The following PRDM10 variants were observed in gnomAD, a reference collection of about 807,000 sequenced individuals.
The protein encoded by PRDM10 is PR/SET domain 10, also known as PR domain zinc finger protein 10.
A neutral mutation model predicts 133.1 loss-of-function variants in PRDM10; 65 were observed. The ratio of observed to expected loss-of-function variants is 0.49; its 90% CI spans 0.40 to 0.60. The LOEUF (loss-of-function observed/expected upper bound fraction) is 0.60, where lower values mean the gene tolerates loss of function less well. Among genes scored for constraint, PRDM10 ranks in the 20% least tolerant of loss-of-function variants. The probability of loss-of-function intolerance (pLI) is 0.00; values close to 1 mark genes in which losing one functional copy is unlikely to be tolerated. For missense variants in PRDM10, 1,137 were observed against 1,507.1 expected (o/e 0.75, Z 4.07); for synonymous variants, 582 against 580.4 (o/e 1.00, Z -0.04).
chr11:129,933,311 A>G (rs897932288), intron 9 of PRDM10, among the ~76,000 whole-genome samples: 5 of 152,198 alleles, frequency 3.3e-5, no homozygotes, highest in Non-Finnish European at 7.3e-5. Flanking sequence ...CAATGTACCC[A>G]TAACCCAATT....
chr11:129,925,230 C>T lies in PRDM10; in HGVS notation c.1531-1G>A. The T allele has an allele frequency of 6.2e-7, 1 of 1,601,344 alleles. No individual in the cohort carries two copies. The highest frequency in any genetic ancestry group is 8.5e-7 in the Non-Finnish European group (1 of 1,174,310). On this transcript the variant is annotated splice_acceptor_variant, in intron 11 of 20. Transcript: ENST00000360871. LOFTEE classifies it high-confidence loss of function. ...TAAACAGATGCTGAAGAGCTGCATT[C>T]TGAAAGACATACACAAATGTGATCA...
intron 1 of PRDM10, among the ~76,000 whole-genome samples, 162 bp downstream of exon 1, chr11:130,002,560 C>G (rs796132912): frequency 3.9e-5 from 6 of 152,222 alleles, no homozygotes; most frequent in African/African-American, 1.2e-4. Context: ...CAATTCCCCC[C>G]CCACCCGGGT....
chr11:129,915,105 A>G lies in PRDM10; in HGVS notation c.2527-87T>C, dbSNP rs1002257356. ...ATATGTAAATCCTCCAAAGATTCCT[A>G]AAGTCTTTTATGTCTTAAAAAAAGA... On this transcript the variant is annotated intron_variant, in intron 16 of 20. Transcript: ENST00000360871. The G allele has an allele frequency of 1.2e-5, 17 of 1,386,060 alleles. No homozygotes were observed. The Admixed American group carries it at 2.7e-4, about 22-fold the overall frequency. The allele number at this position is 1,386,060 out of a possible 1,614,324, so 85.9% of individuals were successfully genotyped here.
At chr11:129,909,214 C>A (rs1226202558) in intron 19 of PRDM10, among the ~76,000 whole-genome samples, 1 of 151,520 alleles carries the variant, frequency 6.6e-6, no homozygotes, top group Non-Finnish European at 1.5e-5. Context: ...CTTTGAGAGG[C>A]TGAAGTGGGC....
intron 1 of PRDM10, among the ~76,000 whole-genome samples, chr11:129,992,933 G>A (rs1338794477): frequency 2.6e-5 from 4 of 152,176 alleles, no homozygotes; most frequent in African/African-American, 9.7e-5. Flanking sequence ...AATTGAATCA[G>A]TATTATGAAA....
intron 1 of PRDM10, among the ~76,000 whole-genome samples, chr11:129,963,740 T>A (rs1332787419): frequency 3.3e-5 from 5 of 152,220 alleles, no homozygotes; most frequent in African/African-American, 1.2e-4. Context: ...GATTTTCTTA[T>A]AACCACAGTA....
intron 1 of PRDM10, among the ~76,000 whole-genome samples, chr11:129,968,304 C>T (rs1951946541): frequency 6.6e-6 from 1 of 152,200 alleles, no homozygotes; most frequent in Admixed American, 6.5e-5. Flanking sequence ...ATAAACTTTT[C>T]CGGCTCATTA....
At chr11:129,969,536 G>A (rs1951972335) in intron 1 of PRDM10, among the ~76,000 whole-genome samples, 1 of 151,804 alleles carries the variant, frequency 6.6e-6, no homozygotes, top group African/African-American at 2.4e-5. Context: ...GCTCATGCCT[G>A]TAATCCCAGC....
chr11:129,913,110 G>A (rs116123006), intron 17 of PRDM10, among the ~76,000 whole-genome samples: 1,527 of 149,310 alleles, frequency 0.01, 34 homozygotes, highest in African/African-American at 0.036. Flanking sequence ...CCGAGCTACT[G>A]ATGAGGCTGA....
intron 18 of PRDM10, among the ~76,000 whole-genome samples, chr11:129,911,330 C>A (rs1207982553): frequency 1.3e-5 from 2 of 152,080 alleles, no homozygotes; most frequent in African/African-American, 4.8e-5. Context: ...GAAATGAAAC[C>A]CAAAGTTCAT....
At chr11:129,930,874 C>T (rs558286695) in intron 11 of PRDM10, 142 bp downstream of exon 11, 39 of 1,300,110 alleles carry the variant, frequency 3.0e-5, no homozygotes, top group Non-Finnish European at 3.3e-5. Flanking sequence ...CACTTTCTTT[C>T]AAAATAAGGG....
At chr11:129,977,195 G>C (rs7938999) in intron 1 of PRDM10, among the ~76,000 whole-genome samples, 36,254 of 151,026 alleles carry the variant, frequency 0.24, 7,517 homozygotes, top group East Asian at 0.57. Flanking sequence ...TCGTACCACT[G>C]TGACCCCAGC....
chr11:129,904,269 TC>T (rs1949941378), intron 20 of PRDM10, among the ~76,000 whole-genome samples: 2 of 152,080 alleles, frequency 1.3e-5, no homozygotes. Flanking sequence ...ATCTCAATAT[TC>T]CTAGCCATTG....
At chr11:129,915,151 T>C in intron 16 of PRDM10, 133 bp from the exon 17 acceptor site, 1 of 880,262 alleles carries the variant, frequency 1.1e-6, no homozygotes, top group East Asian at 2.7e-5. Context: ...CAACACTGAC[T>C]CTATGCCTGT....
chr11:129,974,666 A>G (rs952296208), intron 1 of PRDM10, among the ~76,000 whole-genome samples: 30 of 152,296 alleles, frequency 2.0e-4, no homozygotes, highest in African/African-American at 7.0e-4. Context: ...ACATCTGAGG[A>G]CCAGGATATG....
chr11:129,978,993 CTTG>C (rs1220478840), intron 1 of PRDM10, among the ~76,000 whole-genome samples: 2 of 152,300 alleles, frequency 1.3e-5, no homozygotes, highest in East Asian at 3.9e-4. Context: ...GGCTGAGACA[CTTG>C]TTGGGGGTCC....
chr11:129,961,613 G>A (rs1951797610), intron 1 of PRDM10, among the ~76,000 whole-genome samples: 1 of 149,668 alleles, frequency 6.7e-6, no homozygotes, highest in African/African-American at 2.4e-5. Flanking sequence ...GCCAATCCCA[G>A]CTCTTTGGGA....
intron 1 of PRDM10, among the ~76,000 whole-genome samples, chr11:129,971,245 G>A (rs1591676973): frequency 6.6e-6 from 1 of 152,132 alleles, no homozygotes; most frequent in African/African-American, 2.4e-5. Context: ...GGTGTGGAAG[G>A]GGACCCGAGC....
At chr11:129,949,692 A>C (rs778420877) in intron 4 of PRDM10, among the ~76,000 whole-genome samples, 32 of 152,110 alleles carry the variant, frequency 2.1e-4, no homozygotes, top group Non-Finnish European at 3.1e-4. Context: ...GCACTTTGGG[A>C]GGCCAAGGTG....
Sources: gnomAD v4.1 joint callset for allele counts (sites outside exome capture counted in the v4.1 genomes callset) on GRCh38, gnomAD v4.1.1 for gene constraint, MANE v1.5 for transcripts, NCBI Gene and HGNC (gene_info 2026-07-23, HGNC 2026-07-21) for gene names.